PODN: variants seen among roughly 807,000 people sequenced by gnomAD.
The protein encoded by PODN is podocan proteoglycan.
A neutral mutation model predicts 52.7 loss-of-function variants in PODN; 40 were observed. The ratio of observed to expected loss-of-function variants is 0.76; its 90% CI spans 0.59 to 0.99. The LOEUF (loss-of-function observed/expected upper bound fraction) is 0.99. PODN is among the 50% of genes least tolerant of loss of function. The pLI, the probability that PODN is intolerant of heterozygous loss-of-function variation, is 0.00. For synonymous variants in PODN, 396 were observed against 377.9 expected (o/e 1.05, Z -0.56); for missense variants, 720 against 815.1 (o/e 0.88, Z 1.42).
intron 2 of PODN, among the ~76,000 whole-genome samples, chr1:53,070,564 T>A (rs78096409): frequency 1.3e-4 from 20 of 152,312 alleles, no homozygotes; most frequent in Non-Finnish European, 1.9e-4. Flanking sequence ...TCTGGAGCCT[T>A]GGAGGATGGA....
In PODN at chr1:53,080,675, G is replaced by A. The variant is rs1159452229; in HGVS notation, c.1513-53G>A. On this transcript the variant is annotated intron_variant, in intron 8 of 10. Coordinates refer to ENST00000312553, the MANE Select transcript of PODN (RefSeq NM_153703.5). Reference sequence around the variant, plus strand: ...GGGCTTGGTGGGAGTTTTGTAAGCTGTTAAGTGCTTTGCACAGGTGGGAGT... The same window carrying A: ...GGGCTTGGTGGGAGTTTTGTAAGCTATTAAGTGCTTTGCACAGGTGGGAGT... The A allele has an allele frequency of 6.3e-6, 10 of 1,585,260 alleles. No individual in the cohort carries two copies. In the South Asian group the frequency reaches 1.2e-4, roughly 18 times the overall value.
In PODN at chr1:53,081,989, A is replaced by G. The variant is rs201167983; in HGVS notation, c.1670A>G (p.Lys557Arg). 3.1e-5 allele frequency: 50 copies of G among 1,600,378 alleles called. No individual in the cohort carries two copies. The highest frequency in any genetic ancestry group is 4.0e-5 in the Non-Finnish European group (47 of 1,172,066). The change falls in exon 10 of 11, where the codon AAG becomes AGG. Residue 557 changes from lysine (K) to arginine (R), a missense_variant. Physicochemically the swap from Lys to Arg is conservative, Grantham distance 26 (BLOSUM62 2). Coordinates refer to ENST00000312553, the MANE Select transcript of PODN (RefSeq NM_153703.5). ...NLKGIFLRFNKLAVGSVVDSA... is the reference protein window; with the variant it reads ...NLKGIFLRFNRLAVGSVVDSA... ...CCTCGATGCTCACACAGGTTTAACA[A>G]GCTGGCTGTGGGCTCCGTGGTGGAC...
intron 9 of PODN, 118 bp downstream of exon 9, chr1:53,080,994 A>T: frequency 7.3e-7 from 1 of 1,367,344 alleles, no homozygotes; most frequent in Non-Finnish European, 1.0e-6. Flanking sequence ...ACCACGGCTC[A>T]GATCTCAAGG....
chr1:53,081,891 C>T (rs1644300611), intron 9 of PODN, 90 bp from the exon 10 acceptor site: 2 of 1,505,744 alleles, frequency 1.3e-6, no homozygotes, highest in African/African-American at 1.4e-5. Flanking sequence ...CCATTCCCTC[C>T]CCTGTTACCT....
chr1:53,062,594 G>C (rs925833813), intron 1 of PODN, among the ~76,000 whole-genome samples: 4 of 152,228 alleles, frequency 2.6e-5, no homozygotes, highest in African/African-American at 9.6e-5. Flanking sequence ...GAAAGAATCT[G>C]AGGGCGGTTG....
At chr1:53,077,906 C>T in intron 7 of PODN, 106 bp downstream of exon 7, 3 of 834,406 alleles carry the variant, frequency 3.6e-6, no homozygotes, top group Non-Finnish European at 5.7e-6. Flanking sequence ...GTCCCCTGCC[C>T]ACCTTCCCTG....
chr1:53,082,268 T>C, intron 10 of PODN, 80 bp downstream of exon 10: 1 of 1,397,574 alleles, frequency 7.2e-7, no homozygotes, highest in Admixed American at 3.0e-5. Flanking sequence ...GGTCTTTCTG[T>C]CCATTCTTCA....
chr1:53,078,605 C>A lies in PODN; in HGVS notation c.1095C>A (p.His365Gln), dbSNP rs1296706312. 1 of 1,613,062 alleles carries A rather than the reference C, an allele frequency of 6.2e-7. No individual in the cohort carries two copies. Among genetic ancestry groups the A allele is most frequent in the Non-Finnish European group, 8.5e-7 (1 of 1,180,008 alleles). Residue 365 changes from histidine to glutamine, a missense_variant, in exon 8 of 11, where the codon CAC becomes CAA. Physicochemically the swap from His to Gln is conservative, Grantham distance 24. Coordinates refer to ENST00000312553, the MANE Select transcript of PODN (RefSeq NM_153703.5). Reference protein sequence around the residue: ...FQGLKRLHTVHLYNNALERVP... With the variant: ...FQGLKRLHTVQLYNNALERVP... ...GCCTCAAGCGGTTGCACACGGTGCA[C>A]CTGTACAACAACGCGCTGGAGCGCG...
chr1:53,067,547 G>A (rs1321826480), intron 1 of PODN, among the ~76,000 whole-genome samples: 4 of 152,122 alleles, frequency 2.6e-5, no homozygotes, highest in African/African-American at 9.7e-5. Flanking sequence ...CCACCACAGG[G>A]CAGCAGGAAC....
At chr1:53,063,413 G>A in intron 1 of PODN, 2 of 985,734 alleles carry the variant, frequency 2.0e-6, no homozygotes, top group Non-Finnish European at 2.4e-6. Flanking sequence ...AGGCGCCACT[G>A]GTGTGAACCG....
At chr1:53,067,486 A>G (rs1006093653) in intron 1 of PODN, among the ~76,000 whole-genome samples, 1 of 152,122 alleles carries the variant, frequency 6.6e-6, no homozygotes, top group Non-Finnish European at 1.5e-5. Context: ...CTTACTTCAG[A>G]GAACTGGGTG....
At position 53,077,204 on chromosome 1, in the gene PODN, A is replaced by G; in HGVS notation, c.596A>G (p.His199Arg). The G allele has an allele frequency of 3.1e-6, 5 of 1,613,320 alleles. No homozygotes were observed. The highest frequency in any genetic ancestry group is 3.4e-6 in the Non-Finnish European group (4 of 1,179,990). The change falls in exon 6 of 11, where the codon CAC becomes CGC. Residue 199 changes from histidine (H) to arginine (R), a missense_variant. Physicochemically the swap from His to Arg is conservative, Grantham distance 29. Transcript: ENST00000312553. ...TTGACCCCCAGGTCTGTGTACCTGC[A>G]CAACAACAAGCTGGCAGACGCCGGG... ...QKPNLRSVYL[H>R]NNKLADAGLP...
chr1:53,077,338 C>T lies in PODN; in HGVS notation c.730C>T (p.His244Tyr), dbSNP rs1041817335. Reference sequence around the variant, plus strand: ...CCTGCCGCCTGCCCTGTACAAGCTGCACCTCAAGGTGGGCAGGGGAGGGGT... The same window carrying T: ...CCTGCCGCCTGCCCTGTACAAGCTGTACCTCAAGGTGGGCAGGGGAGGGGT... ...KHLPPALYKL[H>Y]LKNNKLEKIP... The change falls in exon 6 of 11, where the codon CAC (histidine) becomes TAC (tyrosine). Residue 244 changes from histidine (H) to tyrosine (Y), a missense_variant. Physicochemically the swap from His to Tyr is moderately conservative, Grantham distance 83. Transcript: ENST00000312553. 1 of 1,613,080 alleles carries T rather than the reference C, an allele frequency of 6.2e-7. No homozygotes were observed. The highest frequency in any genetic ancestry group is 8.5e-7 in the Non-Finnish European group (1 of 1,179,928).
intron 1 of PODN, among the ~76,000 whole-genome samples, chr1:53,062,676 G>T (rs1421697551): frequency 6.6e-6 from 1 of 152,220 alleles, no homozygotes; most frequent in Admixed American, 6.5e-5. Flanking sequence ...ACTGCGTAGG[G>T]GCGGGGACCC....
At chr1:53,076,523 C>A (rs1572270519) in intron 5 of PODN, among the ~76,000 whole-genome samples, 2 of 152,158 alleles carry the variant, frequency 1.3e-5, no homozygotes, top group South Asian at 4.1e-4. Context: ...TCACAGATGA[C>A]CCTTGTTCCT....
At chr1:53,073,996 T>C (rs1644156938) in intron 3 of PODN, among the ~76,000 whole-genome samples, 1 of 152,256 alleles carries the variant, frequency 6.6e-6, no homozygotes, top group Non-Finnish European at 1.5e-5. Context: ...TCTTACATAG[T>C]GGCAGCAGGG....
At position 53,069,886 on chromosome 1, in the gene PODN, C is replaced by G. The variant is rs1572260890; in HGVS notation, c.31C>G (p.Leu11Val). Residue 11 changes from leucine (L) to valine (V), a missense_variant, in exon 2 of 11, where the codon CTG becomes GTG. Physicochemically the swap from Leu to Val is conservative, Grantham distance 32 (BLOSUM62 1). Coordinates refer to ENST00000312553, the MANE Select transcript of PODN (RefSeq NM_153703.5). MAQSRVLLLL[L>V]LLPPQLHLGP... ...CCAGAGCCGGGTGCTGCTGCTCCTG[C>G]TGCTGCTGCCGCCACAGCTGCACCT... 1 of 1,566,528 alleles carries G rather than the reference C, an allele frequency of 6.4e-7. No individual in the cohort carries two copies. Among genetic ancestry groups the G allele is most frequent in the East Asian group, 2.4e-5 (1 of 42,032 alleles).
At chr1:53,084,160 G>T (rs1457714490) in intron 10 of PODN, among the ~76,000 whole-genome samples, 1 of 151,704 alleles carries the variant, frequency 6.6e-6, no homozygotes, top group Admixed American at 6.6e-5. Flanking sequence ...GTTCTCTGAG[G>T]TGTTGTCCTC....
chr1:53,069,836 C>T lies in PODN; in HGVS notation c.-20C>T, dbSNP rs761354981. ...CCCTGGCGCCCAGGCGCATCTGACT[C>T]GGCACCCCCTGCAGGCACCATGGCC... On this transcript the variant is annotated 5_prime_UTR_variant, in exon 2 of 11. Transcript: ENST00000312553. The T allele has an allele frequency of 4.9e-5, 78 of 1,580,622 alleles. 1 individual carries two copies. The South Asian group carries it at 5.9e-4, about 12-fold the overall frequency.
Sources: allele counts gnomAD v4.1 joint callset (sites outside exome capture counted in the v4.1 genomes callset), GRCh38; gene constraint gnomAD v4.1.1; transcripts MANE v1.5; gene names NCBI Gene and HGNC (gene_info 2026-07-23, HGNC 2026-07-21).